The following KIRREL3 variants were observed in gnomAD, a reference collection of about 807,000 sequenced individuals.
KIRREL3 encodes kirre like nephrin family adhesion molecule 3.
KIRREL3 carries 36 observed loss-of-function variants against 89.7 expected under a neutral mutation model. The ratio of observed to expected loss-of-function variants is 0.40; its 90% CI spans 0.31 to 0.53. KIRREL3 has a LOEUF of 0.53. Ranked by LOEUF, KIRREL3 falls within the 20% of genes least tolerant of loss-of-function variation. The pLI is 0.49. For missense variants in KIRREL3, 864 were observed against 1,056.6 expected (o/e 0.82, Z 2.53); for synonymous variants, 445 against 441.4 (o/e 1.01, Z -0.10).
intron 2 of KIRREL3, among the ~76,000 whole-genome samples, chr11:126,549,073 A>G (rs1164097397): frequency 1.3e-5 from 2 of 152,190 alleles, no homozygotes; most frequent in Non-Finnish European, 2.9e-5. Flanking sequence ...CTTTAGTACT[A>G]AGAATAGTGG....
chr11:126,916,710 T>G (rs1270530923), intron 1 of KIRREL3, among the ~76,000 whole-genome samples: 1 of 152,198 alleles, frequency 6.6e-6, no homozygotes, highest in African/African-American at 2.4e-5. Flanking sequence ...TAACTTAGAA[T>G]GAAGGTTAGC....
Position 126,814,677 on chromosome 11 carries a change from C to A in KIRREL3, c.55+185778G>T, listed in dbSNP as rs1423028437. On this transcript the variant is annotated intron_variant, in intron 1 of 16. Transcript: ENST00000525144. The surrounding 1 kb of genome is among the most constrained non-coding windows in gnomAD (Gnocchi z 4.4). ...GTAAACTAACACAGGAACAGAAAAC[C>A]AAACACTGCATGTTCTCACTTCTAA... Among the ~76,000 whole-genome samples the A allele has an allele frequency of 6.6e-6, 1 of 152,160 alleles. No individual in the cohort carries two copies. The highest frequency in any genetic ancestry group is 1.5e-5 in the Non-Finnish European group (1 of 68,036).
At chr11:126,756,846 G>A (rs1218905542) in intron 1 of KIRREL3, among the ~76,000 whole-genome samples, 1 of 152,152 alleles carries the variant, frequency 6.6e-6, no homozygotes, top group African/African-American at 2.4e-5. Flanking sequence ...AAATTCACTG[G>A]TGGGGAAAAT....
At chr11:126,887,666 C>T (rs1427207049) in intron 1 of KIRREL3, among the ~76,000 whole-genome samples, 1 of 152,060 alleles carries the variant, frequency 6.6e-6, no homozygotes, top group Non-Finnish European at 1.5e-5. Context: ...CAGAATGACA[C>T]ACATGGCTGA....
In KIRREL3 at chr11:126,764,451, C is replaced by T. The variant is rs1052091600; in HGVS notation, c.56-201539G>A. 3.3e-5 allele frequency among the ~76,000 whole-genome samples: 5 copies of T among 152,164 alleles called. No individual in the cohort carries two copies. Among genetic ancestry groups the T allele is most frequent in the Admixed American group, 6.5e-5 (1 of 15,276 alleles). On this transcript the variant is annotated intron_variant, in intron 1 of 16. Transcript: ENST00000525144. This position sits in a 1 kb window ranked among gnomAD's most constrained non-coding sequence, Gnocchi z 4.2. ...GGGCTGTGTGGTTCAAGATCAACTT[C>T]GCAGAGAAACACCGTTTCCAGAAGC...
At position 126,696,260 on chromosome 11, in the gene KIRREL3, TAA is replaced by T. The variant is rs569075769; in HGVS notation, c.56-133350_56-133349del. ...CCACTGAGCGAGACTCTATCTCAAT[TAA>T]AAAAAAAAAAAAAAGCCTGGATGGC... On this transcript the variant is annotated intron_variant, in intron 1 of 16. Transcript: ENST00000525144. This position sits in a 1 kb window ranked among gnomAD's most constrained non-coding sequence, Gnocchi z 4.4. Among the ~76,000 whole-genome samples the T allele has an allele frequency of 4.2e-4, 55 of 130,522 alleles. No homozygotes were observed. Among genetic ancestry groups the T allele is most frequent in the Admixed American group, 6.2e-4 (8 of 12,930 alleles). The allele number at this position is 130,522 out of a possible 152,430, so 85.6% of individuals were successfully genotyped here. A position where few individuals can be genotyped will look rare whatever the true frequency, so the allele number is the denominator to read the frequency against.
rs1240200198 is a variant in KIRREL3, at chr11:126,689,925, C to T, written c.56-127013G>A. ...CATCTTAGAAAGCTAGTTAGTGAAA[C>T]AGGGATGGGAGTGTGAGAGTTGATG... On this transcript the variant is annotated intron_variant, in intron 1 of 16. Coordinates refer to ENST00000525144, the MANE Select transcript of KIRREL3 (RefSeq NM_032531.4). This position sits in a 1 kb window ranked among gnomAD's most constrained non-coding sequence, Gnocchi z 5.2. 2.0e-5 allele frequency among the ~76,000 whole-genome samples: 3 copies of T among 152,194 alleles called. No individual in the cohort carries two copies. Among genetic ancestry groups the T allele is most frequent in the Non-Finnish European group, 4.4e-5 (3 of 68,032 alleles).
At chr11:126,971,466 T>C (rs1242092874) in intron 1 of KIRREL3, among the ~76,000 whole-genome samples, 2 of 152,184 alleles carry the variant, frequency 1.3e-5, no homozygotes, top group Non-Finnish European at 2.9e-5. Context: ...TTCGGGGTGT[T>C]GTCTTCCCAG....
intron 9 of KIRREL3, 54 bp downstream of exon 9, chr11:126,446,705 C>G: frequency 1.9e-6 from 3 of 1,545,506 alleles, no homozygotes; most frequent in Non-Finnish European, 1.8e-6. Flanking sequence ...CCTTCTTGCT[C>G]CACTGTCCCC....
At chr11:126,737,121 G>T (rs945126825) in intron 1 of KIRREL3, among the ~76,000 whole-genome samples, 1 of 152,190 alleles carries the variant, frequency 6.6e-6, no homozygotes, top group Non-Finnish European at 1.5e-5. Context: ...GCTGAGTGGG[G>T]ATGTGCTTGC....
rs776334908 is a variant in KIRREL3, at chr11:126,620,737, T to C, written c.56-57825A>G. Among the ~76,000 whole-genome samples the C allele has an allele frequency of 1.2e-4, 18 of 152,228 alleles. No homozygotes were observed. The highest frequency in any genetic ancestry group is 1.9e-4 in the Non-Finnish European group (13 of 68,044). ...TGCTTTTATAGGTCTCTTGATCTCT[T>C]CTTCCTGCCTCATACCCCACTTTAA... On this transcript the variant is annotated intron_variant, in intron 1 of 16. Transcript: ENST00000525144. This position sits in a 1 kb window ranked among gnomAD's most constrained non-coding sequence, Gnocchi z 4.8.
Position 126,902,081 on chromosome 11 carries a change from C to T in KIRREL3, c.55+98374G>A, listed in dbSNP as rs555866784. ...ATTCTGCACTCGGATTCTGCAAAGA[C>T]TATCCTGGCTCCTGGGCATCAACTT... On this transcript the variant is annotated intron_variant, in intron 1 of 16. Coordinates refer to ENST00000525144, the MANE Select transcript of KIRREL3 (RefSeq NM_032531.4). Among the ~76,000 whole-genome samples, 13 of 152,328 alleles carry T rather than the reference C, an allele frequency of 8.5e-5. No individual in the cohort carries two copies. In the South Asian group the frequency reaches 2.7e-3, roughly 32 times the overall value.
Position 126,612,050 on chromosome 11 carries a change from C to T in KIRREL3, c.56-49138G>A, listed in dbSNP as rs962757737. On this transcript the variant is annotated intron_variant, in intron 1 of 16. Coordinates refer to ENST00000525144, the MANE Select transcript of KIRREL3 (RefSeq NM_032531.4). The surrounding 1 kb of genome is among the most constrained non-coding windows in gnomAD (Gnocchi z 4.5). ...TGTTACCTGTGCATCTCCTTCACAA[C>T]TCACGTCACTGATGGACTTACGCAG... Among the ~76,000 whole-genome samples, 1 of 152,218 alleles carries T rather than the reference C, an allele frequency of 6.6e-6. No individual in the cohort carries two copies. The highest frequency in any genetic ancestry group is 2.4e-5 in the African/African-American group (1 of 41,460).
intron 4 of KIRREL3, among the ~76,000 whole-genome samples, chr11:126,499,497 G>A (rs776366015): frequency 1.8e-4 from 28 of 152,122 alleles, no homozygotes; most frequent in Non-Finnish European, 3.2e-4. Context: ...CACCTAGGAC[G>A]GCTCCACACT....
chr11:126,775,633 G>A (rs1240535846), intron 1 of KIRREL3, among the ~76,000 whole-genome samples: 2 of 152,166 alleles, frequency 1.3e-5, no homozygotes, highest in African/African-American at 2.4e-5. Context: ...CATTCCCGGT[G>A]CATAGTAGGT....
chr11:126,934,545 T>C (rs775556090), intron 1 of KIRREL3, among the ~76,000 whole-genome samples: 28 of 152,260 alleles, frequency 1.8e-4, no homozygotes, highest in Admixed American at 3.3e-4. Flanking sequence ...ATGAATCATA[T>C]ACTTGATAAA....
rs373092944 is a variant in KIRREL3, at chr11:126,520,414, G to A, written c.433+901C>T. ...AAGCTCTTTGCATCTGTGGGCCTTA[G>A]TATCTCATCTGGGGTAACAGTCCCT... On this transcript the variant is annotated intron_variant, in intron 4 of 16. Transcript: ENST00000525144. This position sits in a 1 kb window ranked among gnomAD's most constrained non-coding sequence, Gnocchi z 4.9. Among the ~76,000 whole-genome samples, 2 of 152,214 alleles carry A rather than the reference G, an allele frequency of 1.3e-5. No homozygotes were observed. The highest frequency in any genetic ancestry group is 1.9e-4 in the East Asian group (1 of 5,184).
chr11:126,982,961 G>T (rs1949758538), intron 1 of KIRREL3, among the ~76,000 whole-genome samples: 1 of 152,164 alleles, frequency 6.6e-6, no homozygotes, highest in African/African-American at 2.4e-5. Context: ...TTTAACTACA[G>T]CATCTAATAG....
intron 6 of KIRREL3, among the ~76,000 whole-genome samples, chr11:126,461,286 G>A (rs976497489): frequency 6.6e-6 from 1 of 152,254 alleles, no homozygotes; most frequent in Admixed American, 6.5e-5. Flanking sequence ...AGGAGGAGGC[G>A]GTGCTCAGAC....
Sources: gnomAD v4.1 joint callset for allele counts (sites outside exome capture counted in the v4.1 genomes callset) on GRCh38, gnomAD v4.1.1 for gene constraint, Gnocchi (gnomAD v3.1) non-coding constraint, MANE v1.5 for transcripts, NCBI Gene and HGNC (gene_info 2026-07-23, HGNC 2026-07-21) for gene names.